The following NDST4 variants were observed in gnomAD, a reference collection of about 807,000 sequenced individuals.
NDST4 encodes the protein N-heparan sulfate sulfotransferase 4.
A neutral mutation model predicts 100.8 loss-of-function variants in NDST4; 63 were observed. That is an observed-to-expected ratio of 0.62 (90% CI 0.51 to 0.77). NDST4 has a LOEUF of 0.77. NDST4 is among the 30% of genes least tolerant of loss of function. The pLI, the probability that NDST4 is intolerant of heterozygous loss-of-function variation, is 0.00. For missense variants in NDST4, 943 were observed against 1,018.4 expected, an observed-to-expected ratio of 0.93 and a Z score of 1.01; for synonymous variants, 377 against 361.8, an observed-to-expected ratio of 1.04 and a Z score of -0.48.
chr4:115,103,066 T>C (rs1379199224), intron 1 of NDST4, among the ~76,000 whole-genome samples: 2 of 151,972 alleles, frequency 1.3e-5, no homozygotes, highest in African/African-American at 4.8e-5. Flanking sequence ...GTCCAAAAAT[T>C]TGGATCATTT....
chr4:114,898,705 CTT>C (rs1724769457), intron 6 of NDST4, among the ~76,000 whole-genome samples: 1 of 151,868 alleles, frequency 6.6e-6, no homozygotes, highest in Non-Finnish European at 1.5e-5. Flanking sequence ...TATTCTTTGA[CTT>C]ATTTTATCAG....
chr4:115,001,963 G>T (rs1727299495), intron 2 of NDST4, among the ~76,000 whole-genome samples: 1 of 152,104 alleles, frequency 6.6e-6, no homozygotes, highest in Non-Finnish European at 1.5e-5. Context: ...GTCTGCTGGG[G>T]CATCTTATTC....
At chr4:114,879,284 G>A (rs1724318207) in intron 6 of NDST4, among the ~76,000 whole-genome samples, 1 of 152,146 alleles carries the variant, frequency 6.6e-6, no homozygotes, top group African/African-American at 2.4e-5. Flanking sequence ...ATAAATGCAA[G>A]TTTTATCCAT....
At chr4:114,921,564 G>A (rs555723829) in intron 6 of NDST4, among the ~76,000 whole-genome samples, 1 of 151,952 alleles carries the variant, frequency 6.6e-6, no homozygotes, top group Non-Finnish European at 1.5e-5. Flanking sequence ...TATATTTTTT[G>A]TCCAAAAAAT....
chr4:114,999,957 A>G (rs561768489), intron 2 of NDST4, among the ~76,000 whole-genome samples: 1 of 152,014 alleles, frequency 6.6e-6, no homozygotes, highest in Admixed American at 6.6e-5. Context: ...TGTCAATGTT[A>G]TTATCTTTCA....
At chr4:115,091,086 C>G (rs1729510546) in intron 1 of NDST4, among the ~76,000 whole-genome samples, 1 of 151,960 alleles carries the variant, frequency 6.6e-6, no homozygotes, top group South Asian at 2.1e-4. Context: ...CTTTTAAGGT[C>G]TAAATCTTTT....
chr4:114,963,376 T>A (rs767955907), intron 4 of NDST4, among the ~76,000 whole-genome samples: 1 of 152,180 alleles, frequency 6.6e-6, no homozygotes, highest in African/African-American at 2.4e-5. Context: ...ACGTCCAGTA[T>A]AAGCAAATCT....
chr4:115,062,755 G>A (rs950842025), intron 2 of NDST4, among the ~76,000 whole-genome samples: 21 of 151,588 alleles, frequency 1.4e-4, no homozygotes, highest in African/African-American at 4.1e-4. Flanking sequence ...ACATAATCAG[G>A]AAAATATAAA....
At chr4:115,111,123 C>T (rs74746296) in intron 1 of NDST4, among the ~76,000 whole-genome samples, 15 of 152,050 alleles carry the variant, frequency 9.9e-5, no homozygotes, top group African/African-American at 3.1e-4. Flanking sequence ...GATTTTATTT[C>T]CAAAGGCCCC....
intron 6 of NDST4, among the ~76,000 whole-genome samples, chr4:114,903,305 T>G (rs914578527): frequency 6.6e-6 from 1 of 152,138 alleles, no homozygotes; most frequent in Admixed American, 6.6e-5. Context: ...ATAATTACTT[T>G]TCCTCTCCCA....
chr4:115,097,395 T>C (rs955812736), intron 1 of NDST4, among the ~76,000 whole-genome samples: 6 of 152,158 alleles, frequency 3.9e-5, no homozygotes, highest in African/African-American at 4.8e-5. Flanking sequence ...AAGTAAATGA[T>C]GCTTAATTTT....
At chr4:115,031,744 G>C (rs1728120824) in intron 2 of NDST4, among the ~76,000 whole-genome samples, 2 of 152,040 alleles carry the variant, frequency 1.3e-5, no homozygotes, top group African/African-American at 4.8e-5. Flanking sequence ...TCTTTACTCT[G>C]GAGCTTCCTT....
intron 10 of NDST4, among the ~76,000 whole-genome samples, chr4:114,839,751 G>A (rs143026848): frequency 5.0e-4 from 76 of 152,108 alleles, no homozygotes; most frequent in East Asian, 1.9e-3. Flanking sequence ...AATGACAACC[G>A]TATACATTGG....
At position 115,044,187 on chromosome 4, in the gene NDST4, C is replaced by T. The variant is rs143152215; in HGVS notation, c.978+31872G>A. On this transcript the variant is annotated intron_variant, in intron 2 of 13. Coordinates refer to ENST00000264363, the MANE Select transcript of NDST4 (RefSeq NM_022569.3). ...GTATCTAGGTAGGGACTGATCCTTCCTTCCAAAAGTATGGTAGGCTAGATA... is the reference window on the plus strand; with the variant it reads ...GTATCTAGGTAGGGACTGATCCTTCTTTCCAAAAGTATGGTAGGCTAGATA... Among the ~76,000 whole-genome samples, 4 of 152,152 alleles carry T rather than the reference C, an allele frequency of 2.6e-5. No homozygotes were observed. In the East Asian group the frequency reaches 7.7e-4, roughly 29 times the overall value.
In NDST4 at chr4:114,916,700, T is replaced by A. The variant is rs180813745; in HGVS notation, c.1536+18506A>T. 7.7e-3 allele frequency among the ~76,000 whole-genome samples: 1,169 copies of A among 151,636 alleles called. 19 individuals are homozygous for A. Among genetic ancestry groups the A allele is most frequent in the African/African-American group, 0.026 (1,086 of 41,278 alleles). On this transcript the variant is annotated intron_variant, in intron 6 of 13. Transcript: ENST00000264363. Reference sequence around the variant, plus strand: ...CTATTTTTTTCTAAGTTATATTTTTTATTCTTTTTAGAGACAGGGTCTTAC... The same window carrying A: ...CTATTTTTTTCTAAGTTATATTTTTAATTCTTTTTAGAGACAGGGTCTTAC...
rs1200763052 is a variant in NDST4, at chr4:115,009,697, A to G, written c.979-32423T>C. 2.5e-5 allele frequency among the ~76,000 whole-genome samples: 3 copies of G among 120,338 alleles called. 1 individual carries two copies. The highest frequency in any genetic ancestry group is 9.8e-5 in the African/African-American group (3 of 30,662). The allele number at this position is 120,338 out of a possible 152,430, so 78.9% of individuals were successfully genotyped here. A position where few individuals can be genotyped will look rare whatever the true frequency, so the allele number is the denominator to read the frequency against. ...AAAATTGACAAATGGGATCTAATTA[A>G]ACTAAAGAGCTTCTGCACAGCAAAA... On this transcript the variant is annotated intron_variant, in intron 2 of 13. Transcript: ENST00000264363.
chr4:115,050,222 A>G (rs780345212), intron 2 of NDST4, among the ~76,000 whole-genome samples: 19 of 152,144 alleles, frequency 1.2e-4, no homozygotes, highest in Non-Finnish European at 2.4e-4. Context: ...GGTCTGTACT[A>G]TCTCAATGCC....
intron 1 of NDST4, among the ~76,000 whole-genome samples, chr4:115,095,815 T>G (rs1729610163): frequency 1.3e-5 from 2 of 152,086 alleles, no homozygotes; most frequent in East Asian, 1.9e-4. Context: ...ACAGGCCCCA[T>G]AGTCATATGC....
At chr4:114,917,176 A>T (rs1299931210) in intron 6 of NDST4, among the ~76,000 whole-genome samples, 1 of 152,172 alleles carries the variant, frequency 6.6e-6, no homozygotes, top group Non-Finnish European at 1.5e-5. Context: ...TGAAAGTTCT[A>T]CGTAAATAGT....
Sources: allele counts gnomAD v4.1 joint callset (sites outside exome capture counted in the v4.1 genomes callset), GRCh38; gene constraint gnomAD v4.1.1; transcripts MANE v1.5; gene names NCBI Gene and HGNC (gene_info 2026-07-23, HGNC 2026-07-21).